Variants in GPC6 observed in about 807,000 individuals in gnomAD.
The protein encoded by GPC6 is glypican 6.
Under a neutral mutation model 55.2 loss-of-function variants are expected in GPC6, and 14 were observed. The observed-to-expected ratio is 0.25, with a 90% CI of 0.17 to 0.40. The LOEUF (loss-of-function observed/expected upper bound fraction) is 0.40. Ranked by LOEUF, GPC6 falls within the 10% of genes least tolerant of loss-of-function variation. The probability of loss-of-function intolerance (pLI) is 1.00; values close to 1 mark genes in which losing one functional copy is unlikely to be tolerated. For missense variants in GPC6, 641 were observed against 708.5 expected (o/e 0.90, Z 1.08); for synonymous variants, 278 against 259.6 (o/e 1.07, Z -0.68).
At chr13:93,948,724 T>A (rs1279357003) in intron 3 of GPC6, among the ~76,000 whole-genome samples, 1 of 152,200 alleles carries the variant, frequency 6.6e-6, no homozygotes, top group Non-Finnish European at 1.5e-5. Flanking sequence ...GCAATAAATG[T>A]CATCCCCAAC....
chr13:93,776,119 A>G (rs1040404668), intron 2 of GPC6, among the ~76,000 whole-genome samples: 2 of 13,510 alleles, frequency 1.5e-4, no homozygotes, highest in African/African-American at 1.2e-3. Flanking sequence ...CCTGGAGAGA[A>G]ACACCCAAGT....
chr13:93,506,161 A>C (rs774244087), intron 1 of GPC6, among the ~76,000 whole-genome samples: 134 of 152,008 alleles, frequency 8.8e-4, no homozygotes, highest in Non-Finnish European at 1.6e-3. Context: ...TTCAGAGCCC[A>C]CTCCACCCCA....
intron 4 of GPC6, among the ~76,000 whole-genome samples, chr13:94,186,539 C>T (rs984507466): frequency 4.6e-5 from 7 of 151,982 alleles, no homozygotes; most frequent in African/African-American, 1.2e-4. Context: ...TTAGGGTCAC[C>T]GCAACAGATT....
In GPC6 at chr13:93,393,175, G is replaced by C. The variant is rs1030592783; in HGVS notation, c.161-152088G>C. Among the ~76,000 whole-genome samples the C allele has an allele frequency of 1.2e-4, 18 of 146,938 alleles. 1 individual carries two copies. In the East Asian group the frequency reaches 3.7e-3, roughly 30 times the overall value. On this transcript the variant is annotated intron_variant, in intron 1 of 8. Transcript: ENST00000377047. ...AGAGAGAGAGTGAGAGTCTCTCACT[G>C]TCGTCTGGGCTGGAGTGCAATGGTG...
At chr13:93,829,744 A>T (rs909230767) in intron 2 of GPC6, among the ~76,000 whole-genome samples, 2 of 152,238 alleles carry the variant, frequency 1.3e-5, no homozygotes, top group African/African-American at 2.4e-5. Flanking sequence ...ATTTAGTGTT[A>T]GGACAAATTT....
chr13:94,291,689 G>T (rs1874987493), intron 5 of GPC6, among the ~76,000 whole-genome samples: 1 of 149,182 alleles, frequency 6.7e-6, no homozygotes, highest in Admixed American at 6.7e-5. Context: ...CTGGGTGATT[G>T]AATTTATCTT....
chr13:93,258,686 C>T (rs1877035468), intron 1 of GPC6, among the ~76,000 whole-genome samples: 1 of 152,040 alleles, frequency 6.6e-6, no homozygotes, highest in Non-Finnish European at 1.5e-5. Context: ...TGCCTGTAAT[C>T]CTAGCACTTT....
intron 3 of GPC6, among the ~76,000 whole-genome samples, chr13:93,968,805 C>T (rs1880158144): frequency 6.6e-6 from 1 of 152,046 alleles, no homozygotes; most frequent in Non-Finnish European, 1.5e-5. Context: ...ATATATATTA[C>T]ATACATATTT....
At chr13:93,702,561 A>G (rs1216858658) in intron 2 of GPC6, among the ~76,000 whole-genome samples, 2 of 151,968 alleles carry the variant, frequency 1.3e-5, no homozygotes. Flanking sequence ...TTTCCTCTCC[A>G]GCTGTGAATG....
At chr13:94,172,824 T>A (rs1000152433) in intron 4 of GPC6, among the ~76,000 whole-genome samples, 3 of 152,204 alleles carry the variant, frequency 2.0e-5, no homozygotes, top group Non-Finnish European at 4.4e-5. Flanking sequence ...AATCAAGGCA[T>A]GAGAGACAGT....
intron 1 of GPC6, among the ~76,000 whole-genome samples, chr13:93,497,441 G>A (rs977828993): frequency 6.6e-6 from 1 of 152,284 alleles, no homozygotes; most frequent in East Asian, 1.9e-4. Flanking sequence ...ACTCAAAGAC[G>A]ATGAGGTCTG....
At chr13:93,319,323 C>G (rs187894076) in intron 1 of GPC6, among the ~76,000 whole-genome samples, 2 of 151,568 alleles carry the variant, frequency 1.3e-5, no homozygotes, top group African/African-American at 4.9e-5. Context: ...TGTGCTCTGA[C>G]AAGAAATAAA....
At chr13:93,637,912 G>A (rs1364849933) in intron 2 of GPC6, among the ~76,000 whole-genome samples, 1 of 152,058 alleles carries the variant, frequency 6.6e-6, no homozygotes, top group African/African-American at 2.4e-5. Context: ...GATGACAAAT[G>A]GGGACATTCC....
intron 3 of GPC6, among the ~76,000 whole-genome samples, chr13:93,874,400 T>G (rs984531363): frequency 1.3e-5 from 2 of 151,898 alleles, no homozygotes; most frequent in African/African-American, 4.8e-5. Context: ...TATGGCTGCA[T>G]AGCATTCCGT....
chr13:93,976,776 G>T (rs375033879), intron 3 of GPC6, among the ~76,000 whole-genome samples: 12 of 151,762 alleles, frequency 7.9e-5, no homozygotes, highest in African/African-American at 2.2e-4. Context: ...CTTCTGACAG[G>T]AGAAGGACAG....
intron 1 of GPC6, among the ~76,000 whole-genome samples, chr13:93,416,012 A>C (rs1876684496): frequency 6.6e-6 from 1 of 152,054 alleles, no homozygotes; most frequent in Non-Finnish European, 1.5e-5. Flanking sequence ...ATATGGTTTA[A>C]CCTAACAATT....
At chr13:93,709,434 A>G (rs1375500768) in intron 2 of GPC6, among the ~76,000 whole-genome samples, 1 of 151,748 alleles carries the variant, frequency 6.6e-6, no homozygotes, top group Non-Finnish European at 1.5e-5. Context: ...AAGTAGAATT[A>G]GGCAGCATTA....
chr13:93,367,792 G>T (rs1881302112), intron 1 of GPC6, among the ~76,000 whole-genome samples: 1 of 131,766 alleles, frequency 7.6e-6, no homozygotes, highest in Non-Finnish European at 1.9e-5. Flanking sequence ...TGTGGCTAGA[G>T]AATATACTCT....
At chr13:94,357,368 C>T (rs1215969768) in intron 6 of GPC6, among the ~76,000 whole-genome samples, 1 of 152,162 alleles carries the variant, frequency 6.6e-6, no homozygotes, top group Non-Finnish European at 1.5e-5. Flanking sequence ...ACAGAGAGAC[C>T]CCTGTGGGAG....
Sources: allele counts gnomAD v4.1 joint callset (sites outside exome capture counted in the v4.1 genomes callset), GRCh38; gene constraint gnomAD v4.1.1; transcripts MANE v1.5; gene names NCBI Gene and HGNC (gene_info 2026-07-23, HGNC 2026-07-21).